ZNF230: variants seen among roughly 807,000 people sequenced by gnomAD.
ZNF230 encodes zinc finger protein FDZF2.
Under a neutral mutation model 10.0 loss-of-function variants are expected in ZNF230, and 12 were observed. The ratio of observed to expected loss-of-function variants is 1.20; its 90% confidence interval spans 0.77 to 1.95. The LOEUF (loss-of-function observed/expected upper bound fraction) is 1.95, where lower values mean the gene tolerates loss of function less well. Among genes scored for constraint, ZNF230 ranks in the 30% most tolerant of loss-of-function variants. The pLI, the probability that ZNF230 is intolerant of heterozygous loss-of-function variation, is 0.00. For missense variants in ZNF230, 532 were observed against 565.8 expected (o/e 0.94, Z 0.61); for synonymous variants, 174 against 193.6 (o/e 0.90, Z 0.84).
At chr19:44,007,638 G>A (rs1007668532) in intron 2 of ZNF230, among the ~76,000 whole-genome samples, 7 of 152,110 alleles carry the variant, frequency 4.6e-5, no homozygotes, top group African/African-American at 9.7e-5. Flanking sequence ...TTAAGGTGTC[G>A]CAATCAGCGG....
At position 44,013,459 on chromosome 19, in the gene ZNF230, G is replaced by A. The variant is rs1472067100; in HGVS notation, c.*1995G>A. On this transcript the variant is annotated 3_prime_UTR_variant, in exon 5 of 5. Transcript: ENST00000429154. ...TGTTTTACCTGGAAATGATGGGATA[G>A]GAAATTATGATTATGATGTTAAAAC... is the stretch of plus-strand genomic sequence containing the variant. 1.3e-5 allele frequency: 2 copies of A among 152,158 alleles called. No individual in the cohort carries two copies. Among genetic ancestry groups the A allele is most frequent in the Admixed American group, 6.5e-5 (1 of 15,272 alleles). The allele number at this position is 152,158 out of a possible 1,614,324, so 9.4% of individuals were successfully genotyped here. A position where few individuals can be genotyped will look rare whatever the true frequency, so the allele number is the denominator to read the frequency against.
rs1449460570 is a variant in ZNF230, at chr19:44,013,672, CAT to C, written c.*2210_*2211del. The C allele has an allele frequency of 4.6e-5, 7 of 152,156 alleles. No individual in the cohort carries two copies. The highest frequency in any genetic ancestry group is 1.4e-4 in the African/African-American group (6 of 41,438). The allele number at this position is 152,156 out of a possible 1,614,324, so 9.4% of individuals were successfully genotyped here. On this transcript the variant is annotated 3_prime_UTR_variant, in exon 5 of 5. Coordinates refer to ENST00000429154, the MANE Select transcript of ZNF230 (RefSeq NM_006300.4). ...TGAAATCTGACTGTAACCTTCATAA[CAT>C]AATCAAATATCTTTGTGTGTTTCTG...
At chr19:44,008,042 C>A (rs1391293484) in intron 2 of ZNF230, among the ~76,000 whole-genome samples, 2 of 152,216 alleles carry the variant, frequency 1.3e-5, no homozygotes, top group Non-Finnish European at 2.9e-5. Flanking sequence ...AGCCAGTCCT[C>A]CAAGGCTTAA....
chr19:44,010,517 C>T lies in ZNF230; in HGVS notation c.478C>T (p.Gln160Ter), dbSNP rs781282091. Residue 160 changes from glutamine (Q) to a stop codon, truncating the protein, a stop_gained, in exon 5 of 5, where the codon CAG (glutamine) becomes TAG (stop). Coordinates refer to ENST00000429154, the MANE Select transcript of ZNF230 (RefSeq NM_006300.4). LOFTEE classifies it low-confidence loss of function (END_TRUNC). ...SDVAIFDPPQ[Q>*]FHSGEKSHTC... ...TGTTGCCATCTTTGATCCTCCTCAG[C>T]AGTTCCACTCAGGAGAGAAGTCTCA... The T allele has an allele frequency of 3.5e-5, 56 of 1,614,128 alleles. No individual in the cohort carries two copies. In the East Asian group the frequency reaches 1.2e-3, roughly 35 times the overall value.
rs1372375216 is a variant in ZNF230 at position 44,011,966 on chromosome 19, A to G, written c.*502A>G. On this transcript the variant is annotated 3_prime_UTR_variant, in exon 5 of 5. Coordinates refer to ENST00000429154, the MANE Select transcript of ZNF230 (RefSeq NM_006300.4). ...TGTGTATATATGCCACCTTTTCTTC[A>G]TTTATCTATTGATGGACACATAGGT... 3 of 181,160 alleles carry G rather than the reference A, an allele frequency of 1.7e-5. No homozygotes were observed. The highest frequency in any genetic ancestry group is 7.2e-5 in the African/African-American group (3 of 41,652). The allele number at this position is 181,160 out of a possible 1,614,324, so 11.2% of individuals were successfully genotyped here. A position where few individuals can be genotyped will look rare whatever the true frequency, so the allele number is the denominator to read the frequency against.
At chr19:44,007,229 T>G (rs1976132016) in intron 2 of ZNF230, 136 bp downstream of exon 2, 8 of 765,952 alleles carry the variant, frequency 1.0e-5, no homozygotes, top group Non-Finnish European at 1.6e-5. Context: ...GCTTCCTTTG[T>G]CTCTTTTGTG....
At chr19:44,009,438 G>C (rs768715657) in intron 4 of ZNF230, 1 of 537,616 alleles carries the variant, frequency 1.9e-6, no homozygotes, top group Admixed American at 3.3e-5. Context: ...TGTTATTAAA[G>C]TTACAACCTC....
Position 44,011,586 on chromosome 19 carries a change from T to C in ZNF230, c.*122T>C. 9.4e-7 allele frequency: 1 copy of C among 1,068,340 alleles called. No individual in the cohort carries two copies. The highest frequency in any genetic ancestry group is 1.3e-6 in the Non-Finnish European group (1 of 761,798). 66.2% of individuals were successfully genotyped at this position (1,068,340 alleles called of 1,614,324 possible). ...TAACATTTCTTTGTTTTGGGAAAATTCAAAATCCATTGTTCTAGCGATTTG... is the reference window on the plus strand; with the variant it reads ...TAACATTTCTTTGTTTTGGGAAAATCCAAAATCCATTGTTCTAGCGATTTG... On this transcript the variant is annotated 3_prime_UTR_variant, in exon 5 of 5. Transcript: ENST00000429154.
Position 44,011,962 on chromosome 19 carries a change from C to G in ZNF230, c.*498C>G, listed in dbSNP as rs1976189936. 1 of 181,034 alleles carries G rather than the reference C, an allele frequency of 5.5e-6. No individual in the cohort carries two copies. The highest frequency in any genetic ancestry group is 1.2e-5 in the Non-Finnish European group (1 of 85,956). The allele number at this position is 181,034 out of a possible 1,614,324, so 11.2% of individuals were successfully genotyped here. A position where few individuals can be genotyped will look rare whatever the true frequency, so the allele number is the denominator to read the frequency against. On this transcript the variant is annotated 3_prime_UTR_variant, in exon 5 of 5. Coordinates refer to ENST00000429154, the MANE Select transcript of ZNF230 (RefSeq NM_006300.4). ...CTATTGTGTATATATGCCACCTTTT[C>G]TTCATTTATCTATTGATGGACACAT...
intron 1 of ZNF230, among the ~76,000 whole-genome samples, chr19:44,005,821 G>A (rs577188172): frequency 3.9e-4 from 60 of 152,254 alleles, no homozygotes; most frequent in African/African-American, 1.2e-3. Flanking sequence ...CCCAGCAGGC[G>A]GAGGTTGCAG....
At chr19:44,006,412 T>C (rs1012065908) in intron 1 of ZNF230, among the ~76,000 whole-genome samples, 2 of 152,238 alleles carry the variant, frequency 1.3e-5, no homozygotes, top group Non-Finnish European at 2.9e-5. Flanking sequence ...CCCAACAATA[T>C]GGACTCAGAA....
At chr19:44,004,953 T>TAA (rs879509588) in intron 1 of ZNF230, among the ~76,000 whole-genome samples, 4 of 142,578 alleles carry the variant, frequency 2.8e-5, no homozygotes, top group African/African-American at 1.0e-4. Flanking sequence ...CCATCTCTAC[T>TAA]AAAAAAAAAA....
intron 1 of ZNF230, among the ~76,000 whole-genome samples, chr19:44,006,364 C>T (rs889749901): frequency 6.6e-6 from 1 of 152,142 alleles, no homozygotes; most frequent in Non-Finnish European, 1.5e-5. Context: ...ACTTCTAGTT[C>T]TCTTCATTTA....
At chr19:44,007,722 G>T (rs1976136314) in intron 2 of ZNF230, among the ~76,000 whole-genome samples, 1 of 152,202 alleles carries the variant, frequency 6.6e-6, no homozygotes, top group Non-Finnish European at 1.5e-5. Context: ...CACATCTGTG[G>T]AGGGGTGGCC....
intron 3 of ZNF230, 78 bp downstream of exon 3, chr19:44,008,994 A>G: frequency 6.2e-6 from 10 of 1,604,218 alleles, no homozygotes; most frequent in Admixed American, 3.4e-5. Flanking sequence ...AAGTTTGTGT[A>G]TGCAGTGGGA....
rs1976193924 is a variant in ZNF230 at position 44,012,286 on chromosome 19, T to A, written c.*822T>A. On this transcript the variant is annotated 3_prime_UTR_variant, in exon 5 of 5. Coordinates refer to ENST00000429154, the MANE Select transcript of ZNF230 (RefSeq NM_006300.4). The stretch of plus-strand genomic sequence containing the variant: ...GATAAAGTCTCTGCTCAGTTGTCTA[T>A]AATCTCATTTGAGAGTTCACAAAGG... The A allele has an allele frequency of 4.4e-6, 2 of 459,670 alleles. No individual in the cohort carries two copies. Among genetic ancestry groups the A allele is most frequent in the Non-Finnish European group, 8.6e-6 (2 of 232,280 alleles). 28.5% of individuals were successfully genotyped at this position (459,670 alleles called of 1,614,324 possible).
intron 1 of ZNF230, chr19:44,003,819 T>C (rs764731171): frequency 6.3e-6 from 1 of 159,762 alleles, no homozygotes; most frequent in Non-Finnish European, 1.4e-5. Context: ...GGAATGGGTG[T>C]TGATAATCAT....
rs6413543 is a variant in ZNF230, at chr19:44,011,517, C to T, written c.*53C>T. 1.5e-4 allele frequency: 210 copies of T among 1,445,642 alleles called. No homozygotes were observed. The African/African-American group carries it at 2.2e-3, about 15-fold the overall frequency. 89.6% of individuals were successfully genotyped at this position (1,445,642 alleles called of 1,614,324 possible). The stretch of plus-strand genomic sequence containing the variant: ...GAAATTTTAATATGTGTATATAATA[C>T]GTAATGATCAAATTGATGTAATTAG... On this transcript the variant is annotated 3_prime_UTR_variant, in exon 5 of 5. Transcript: ENST00000429154.
rs1976174210 is a variant in ZNF230, at chr19:44,010,927, T to A, written c.888T>A (p.Asn296Lys). 6.2e-7 allele frequency: 1 copy of A among 1,614,190 alleles called. No homozygotes were observed. Residue 296 changes from asparagine (N) to lysine (K), a missense_variant, in exon 5 of 5, where the codon AAT (asparagine) becomes AAA (lysine). By Grantham distance (94) the Asn-to-Lys change is moderately conservative. Coordinates refer to ENST00000429154, the MANE Select transcript of ZNF230 (RefSeq NM_006300.4). ...GCTTCTGCCTTAGGTCAAGTCTTAA[T>A]AGGCATTGCATGGTCCACACAGCAG... Reference protein sequence around the residue: ...GKSFCLRSSLNRHCMVHTAEK... With the variant: ...GKSFCLRSSLKRHCMVHTAEK...
Sources: gnomAD v4.1 joint callset for allele counts (sites outside exome capture counted in the v4.1 genomes callset) on GRCh38, gnomAD v4.1.1 for gene constraint, MANE v1.5 for transcripts, NCBI Gene and HGNC (gene_info 2026-07-23, HGNC 2026-07-21) for gene names.